The following OR1D2 variants were observed in gnomAD, a reference collection of about 807,000 sequenced individuals.
OR1D2 encodes the protein olfactory receptor family 1 subfamily D member 2.
For missense variants in OR1D2, 357 were observed against 376.1 expected (o/e 0.95, Z 0.42); for synonymous variants, 157 against 153.9 (o/e 1.02, Z -0.15).
At chr17:3,100,629 A>G (rs1371639393) in intron 1 of OR1D2, among the ~76,000 whole-genome samples, 1 of 152,198 alleles carries the variant, frequency 6.6e-6, no homozygotes, top group Non-Finnish European at 1.5e-5. Flanking sequence ...GAGAATCAAG[A>G]GCAAGTGAAT....
In OR1D2 at chr17:3,092,086, A is replaced by T. The variant is rs567660293; in HGVS notation, c.911T>A (p.Leu304Gln). 1 of 1,612,802 alleles carries T rather than the reference A, an allele frequency of 6.2e-7. No individual in the cohort carries two copies. The highest frequency in any genetic ancestry group is 1.7e-5 in the Admixed American group (1 of 59,842). Residue 304 changes from leucine (L) to glutamine (Q), a missense_variant, in exon 2 of 2, where the codon CTA (leucine) becomes CAA (glutamine). Physicochemically the swap from Leu to Gln is moderately radical, Grantham distance 113. Coordinates refer to ENST00000641833, the MANE Select transcript of OR1D2 (RefSeq NM_002548.3). ...TGTCAGCCTCTTAAAGTGTTTATCT[A>T]GGAGTCTTCCCAGAGCCCCATGCAT... is the stretch of plus-strand genomic sequence containing the variant. ...KDMHGALGRL[L>Q]DKHFKRLT
In OR1D2 at chr17:3,088,750, TC is replaced by T. The variant is rs2047789824; in HGVS notation, c.*3307del. On this transcript the variant is annotated 3_prime_UTR_variant, in exon 2 of 2. Transcript: ENST00000641833. ...ATAACATAACCAGTTAGGTCAGGGG[TC>T]GATCTTTAACTACCAGGCCCAGGGC... 6.6e-6 allele frequency: 1 copy of T among 152,054 alleles called. No individual in the cohort carries two copies. Among genetic ancestry groups the T allele is most frequent in the Non-Finnish European group, 1.5e-5 (1 of 68,022 alleles). 9.4% of individuals were successfully genotyped at this position (152,054 alleles called of 1,614,324 possible). A position where few individuals can be genotyped will look rare whatever the true frequency, so the allele number is the denominator to read the frequency against.
Position 3,091,153 on chromosome 17 carries a change from G to A in OR1D2, c.*905C>T, listed in dbSNP as rs2047804995. 1.3e-5 allele frequency: 2 copies of A among 152,082 alleles called. No homozygotes were observed. Among genetic ancestry groups the A allele is most frequent in the South Asian group, 4.1e-4 (2 of 4,824 alleles). The allele number at this position is 152,082 out of a possible 1,614,324, so 9.4% of individuals were successfully genotyped here. On this transcript the variant is annotated 3_prime_UTR_variant, in exon 2 of 2. Coordinates refer to ENST00000641833, the MANE Select transcript of OR1D2 (RefSeq NM_002548.3). ...ACTTGGATTCTGGAGCTCTCACAAAGGTATTTTCATCTGTGGATGGTTGAT... is the reference window on the plus strand; with the variant it reads ...ACTTGGATTCTGGAGCTCTCACAAAAGTATTTTCATCTGTGGATGGTTGAT...
chr17:3,102,630 G>A (rs149125811), intron 1 of OR1D2, among the ~76,000 whole-genome samples: 2 of 152,208 alleles, frequency 1.3e-5, no homozygotes, highest in African/African-American at 2.4e-5. Context: ...TGGGATTTGA[G>A]CCCCCGTTCT....
chr17:3,089,506 C>A lies in OR1D2; in HGVS notation c.*2552G>T, dbSNP rs75200306. ...AAGAGGTGGTCCTTTCAAGAGTGCA[C>A]CAGCTGTGGTAGCATAGGGGGGATA... On this transcript the variant is annotated 3_prime_UTR_variant, in exon 2 of 2. Coordinates refer to ENST00000641833, the MANE Select transcript of OR1D2 (RefSeq NM_002548.3). The A allele has an allele frequency of 6.6e-6, 1 of 152,274 alleles. No homozygotes were observed. The highest frequency in any genetic ancestry group is 2.1e-4 in the South Asian group (1 of 4,834). 9.4% of individuals were successfully genotyped at this position (152,274 alleles called of 1,614,324 possible).
intron 1 of OR1D2, among the ~76,000 whole-genome samples, chr17:3,103,489 A>C (rs1218757628): frequency 2.0e-5 from 3 of 152,178 alleles, no homozygotes; most frequent in Non-Finnish European, 4.4e-5. Context: ...TCATAACAAA[A>C]AGCTGACTTT....
intron 1 of OR1D2, among the ~76,000 whole-genome samples, chr17:3,094,736 T>C (rs1416793588): frequency 1.3e-5 from 2 of 152,072 alleles, no homozygotes; most frequent in Non-Finnish European, 2.9e-5. Context: ...TTGAAAATAT[T>C]TTCACAAAAC....
chr17:3,103,635 G>T (rs574196362), intron 1 of OR1D2, among the ~76,000 whole-genome samples: 52 of 152,190 alleles, frequency 3.4e-4, no homozygotes, highest in Non-Finnish European at 2.6e-4. Flanking sequence ...GTTTGTAAGA[G>T]TCAGTGGGTT....
Position 3,088,597 on chromosome 17 carries a change from G to A in OR1D2, c.*3461C>T, listed in dbSNP as rs956888093. ...CACAACTCTAAGGGGGTCTGCGTGAGAGAGTCATGATCAATTGAGCAAGCA... is the reference window on the plus strand; with the variant it reads ...CACAACTCTAAGGGGGTCTGCGTGAAAGAGTCATGATCAATTGAGCAAGCA... On this transcript the variant is annotated 3_prime_UTR_variant, in exon 2 of 2. Transcript: ENST00000641833. 1 of 156,634 alleles carries A rather than the reference G, an allele frequency of 6.4e-6. No homozygotes were observed. The highest frequency in any genetic ancestry group is 1.5e-5 in the Non-Finnish European group (1 of 68,096). 9.7% of individuals were successfully genotyped at this position (156,634 alleles called of 1,614,324 possible).
At chr17:3,103,491 G>GCTGACTTT (rs957929251) in intron 1 of OR1D2, among the ~76,000 whole-genome samples, 10 of 152,184 alleles carry the variant, frequency 6.6e-5, no homozygotes, top group Non-Finnish European at 1.3e-4. Flanking sequence ...ATAACAAAAA[G>GCTGACTTT]CTGACTTTCT....
chr17:3,091,690 T>G lies in OR1D2; in HGVS notation c.*368A>C, dbSNP rs1471992688. On this transcript the variant is annotated 3_prime_UTR_variant, in exon 2 of 2. Transcript: ENST00000641833. ...TTTCAAACCTCCACAGCCATGTGACTAACTTTCTTATCAGCTACTATTTAC... is the reference window on the plus strand; with the variant it reads ...TTTCAAACCTCCACAGCCATGTGACGAACTTTCTTATCAGCTACTATTTAC... 5.6e-6 allele frequency: 1 copy of G among 179,776 alleles called. No individual in the cohort carries two copies. Among genetic ancestry groups the G allele is most frequent in the East Asian group, 1.4e-4 (1 of 7,270 alleles). The allele number at this position is 179,776 out of a possible 1,614,324, so 11.1% of individuals were successfully genotyped here.
At chr17:3,097,252 A>G (rs1422887130) in intron 1 of OR1D2, among the ~76,000 whole-genome samples, 1 of 152,216 alleles carries the variant, frequency 6.6e-6, no homozygotes, top group Admixed American at 6.5e-5. Context: ...TGGACTTTAA[A>G]AAAACTTGAA....
chr17:3,096,307 A>T (rs1225287128), intron 1 of OR1D2, among the ~76,000 whole-genome samples: 4 of 152,320 alleles, frequency 2.6e-5, no homozygotes, highest in African/African-American at 9.6e-5. Flanking sequence ...GTGGATAAAA[A>T]CATGATTCAT....
At position 3,091,573 on chromosome 17, in the gene OR1D2, A is replaced by T. The variant is rs978095199; in HGVS notation, c.*485T>A. 6.3e-6 allele frequency: 1 copy of T among 159,646 alleles called. No homozygotes were observed. The highest frequency in any genetic ancestry group is 2.4e-5 in the African/African-American group (1 of 41,536). 9.9% of individuals were successfully genotyped at this position (159,646 alleles called of 1,614,324 possible). A position where few individuals can be genotyped will look rare whatever the true frequency, so the allele number is the denominator to read the frequency against. ...TATGAATAGAATGAGTTGATGAATG[A>T]CTGCATGAATGTCAAATGAATTGAA... On this transcript the variant is annotated 3_prime_UTR_variant, in exon 2 of 2. Coordinates refer to ENST00000641833, the MANE Select transcript of OR1D2 (RefSeq NM_002548.3).
intron 1 of OR1D2, among the ~76,000 whole-genome samples, chr17:3,103,661 G>C (rs903251845): frequency 2.0e-5 from 3 of 152,136 alleles, no homozygotes; most frequent in African/African-American, 7.2e-5. Flanking sequence ...CACTGATGTG[G>C]TCAGATGGTC....
chr17:3,089,884 A>G lies in OR1D2; in HGVS notation c.*2174T>C, dbSNP rs1007700294. Reference sequence around the variant, plus strand: ...TGTCCAAGTGGCCATGTCACTCCCAATGTGCCCTACCCCTAACAGTGCTGA... The same window carrying G: ...TGTCCAAGTGGCCATGTCACTCCCAGTGTGCCCTACCCCTAACAGTGCTGA... On this transcript the variant is annotated 3_prime_UTR_variant, in exon 2 of 2. Transcript: ENST00000641833. 2 of 152,166 alleles carry G rather than the reference A, an allele frequency of 1.3e-5. No homozygotes were observed. Among genetic ancestry groups the G allele is most frequent in the Non-Finnish European group, 2.9e-5 (2 of 68,086 alleles). The allele number at this position is 152,166 out of a possible 1,614,324, so 9.4% of individuals were successfully genotyped here.
At chr17:3,103,496 C>T (rs1308295430) in intron 1 of OR1D2, among the ~76,000 whole-genome samples, 1 of 152,218 alleles carries the variant, frequency 6.6e-6, no homozygotes, top group Non-Finnish European at 1.5e-5. Flanking sequence ...AAAAAGCTGA[C>T]TTTCTGACTT....
intron 1 of OR1D2, among the ~76,000 whole-genome samples, chr17:3,102,815 T>A (rs2047880691): frequency 6.6e-6 from 1 of 152,190 alleles, no homozygotes; most frequent in African/African-American, 2.4e-5. Context: ...AAGGGACTCC[T>A]ATTCTTCATT....
At chr17:3,101,516 C>T (rs762138089) in intron 1 of OR1D2, among the ~76,000 whole-genome samples, 2 of 152,224 alleles carry the variant, frequency 1.3e-5, no homozygotes, top group East Asian at 3.9e-4. Flanking sequence ...ATTGATGGAA[C>T]GTATCTCAAA....
Sources: gnomAD v4.1 joint callset for allele counts (sites outside exome capture counted in the v4.1 genomes callset) on GRCh38, gnomAD v4.1.1 for gene constraint, MANE v1.5 for transcripts, NCBI Gene and HGNC (gene_info 2026-07-23, HGNC 2026-07-21) for gene names.